FGD3: variants seen among roughly 807,000 people sequenced by gnomAD.
The protein encoded by FGD3 is FYVE, RhoGEF and PH domain-containing protein 3.
In FGD3, 45 loss-of-function variants were observed where a neutral mutation model predicts 71.8. That is an observed-to-expected ratio of 0.63 (90% CI 0.49 to 0.80). The LOEUF (loss-of-function observed/expected upper bound fraction) is 0.80. FGD3 is among the 30% of genes least tolerant of loss of function. The pLI, the probability that FGD3 is intolerant of heterozygous loss-of-function variation, is 0.00. For missense variants in FGD3, 844 were observed against 951.5 expected, an observed-to-expected ratio of 0.89 and a Z score of 1.49; for synonymous variants, 378 against 392.8, an observed-to-expected ratio of 0.96 and a Z score of 0.44.
chr9:93,017,865 G>A (rs1000416940), intron 10 of FGD3, among the ~76,000 whole-genome samples: 6 of 152,156 alleles, frequency 3.9e-5, no homozygotes, highest in African/African-American at 1.4e-4. Context: ...GGGTGTCGGG[G>A]GGGTGGGTTT....
intron 1 of FGD3, among the ~76,000 whole-genome samples, chr9:92,964,796 GC>G (rs531807605): frequency 4.0e-4 from 61 of 152,270 alleles, no homozygotes; most frequent in African/African-American, 1.4e-3. Context: ...ACCACGGCCA[GC>G]CCCTCTCATG....
At chr9:93,002,902 A>G (rs908054172) in intron 3 of FGD3, 23 bp from the exon 4 acceptor site, 1 of 1,610,594 alleles carries the variant, frequency 6.2e-7, no homozygotes, top group Admixed American at 1.7e-5. Context: ...TCCCCAGGTG[A>G]GCTGCATCTC....
chr9:92,968,202 C>T (rs1270893923), intron 1 of FGD3, among the ~76,000 whole-genome samples: 1 of 152,168 alleles, frequency 6.6e-6, no homozygotes, highest in Non-Finnish European at 1.5e-5. Flanking sequence ...TCCCAGTCCA[C>T]AGTCACAGCG....
intron 10 of FGD3, among the ~76,000 whole-genome samples, chr9:93,016,197 T>G (rs564933670): frequency 7.2e-5 from 11 of 152,230 alleles, no homozygotes; most frequent in Admixed American, 6.5e-4. Context: ...AGCCCAGGGT[T>G]GCAGGGAGCA....
At chr9:93,015,054 T>C (rs780354934) in intron 9 of FGD3, among the ~76,000 whole-genome samples, 2 of 150,916 alleles carry the variant, frequency 1.3e-5, no homozygotes, top group African/African-American at 4.9e-5. Flanking sequence ...GAATTTTGCC[T>C]TTCCCAAATG....
chr9:92,956,834 C>CTTTTTTTTTTTTTTTTTTTTTTTTT (rs34469364), intron 1 of FGD3, among the ~76,000 whole-genome samples: 2 of 127,748 alleles, frequency 1.6e-5, no homozygotes, highest in Non-Finnish European at 1.6e-5. Flanking sequence ...TAATTGCTTT[C>CTTTTTTTTTTTTTTTTTTTTTTTTT]TTTCTTTTTT....
rs550919980 is a variant in FGD3, at chr9:92,970,386, G to T, written c.-217-4852G>T. Among the ~76,000 whole-genome samples, 5 of 152,360 alleles carry T rather than the reference G, an allele frequency of 3.3e-5. No homozygotes were observed. The East Asian group carries it at 9.6e-4, about 29-fold the overall frequency. On this transcript the variant is annotated intron_variant, in intron 1 of 17. Coordinates refer to ENST00000375482, the MANE Select transcript of FGD3 (RefSeq NM_001083536.2). ...TTCAAGCACAAGGTTGAGGACTGCA[G>T]CCAGGGAGACACTTCCAAGTTGCCT...
intron 8 of FGD3, 55 bp downstream of exon 8, chr9:93,011,327 CA>C (rs1436621236): frequency 5.6e-6 from 9 of 1,606,026 alleles, no homozygotes; most frequent in Non-Finnish European, 6.8e-6. Flanking sequence ...GAGTGAGGGC[CA>C]GGGGCCCTTG....
intron 3 of FGD3, among the ~76,000 whole-genome samples, chr9:92,981,381 A>G (rs975856872): frequency 9.9e-5 from 15 of 151,172 alleles, no homozygotes; most frequent in Admixed American, 2.0e-4. Flanking sequence ...AAAAAAAAAA[A>G]AAAGAAAAAA....
chr9:92,989,747 T>G (rs1465657548), intron 3 of FGD3, among the ~76,000 whole-genome samples: 1 of 152,198 alleles, frequency 6.6e-6, no homozygotes, highest in Non-Finnish European at 1.5e-5. Flanking sequence ...TAAGATGAGG[T>G]AAACATAGGG....
intron 16 of FGD3, 109 bp downstream of exon 16, chr9:93,032,982 G>T (rs1291849943): frequency 6.5e-6 from 7 of 1,077,468 alleles, no homozygotes; most frequent in Non-Finnish European, 9.9e-6. Context: ...AGTGTCCCTG[G>T]GACCAGGATA....
chr9:93,035,747 C>A lies in FGD3; in HGVS notation c.*158C>A. The A allele has an allele frequency of 8.8e-7, 1 of 1,134,954 alleles. No homozygotes were observed. Among genetic ancestry groups the A allele is most frequent in the Non-Finnish European group, 1.2e-6 (1 of 838,382 alleles). 70.3% of individuals were successfully genotyped at this position (1,134,954 alleles called of 1,614,324 possible). On this transcript the variant is annotated 3_prime_UTR_variant, in exon 18 of 18. Coordinates refer to ENST00000375482, the MANE Select transcript of FGD3 (RefSeq NM_001083536.2). ...CTTTGGGGGGAAGGAAACTGAGGCC[C>A]AGAGAGGGGCAACCACTGGCCAAGG...
chr9:92,997,422 T>C (rs1452938360), intron 3 of FGD3, among the ~76,000 whole-genome samples: 1 of 152,230 alleles, frequency 6.6e-6, no homozygotes, highest in Non-Finnish European at 1.5e-5. Context: ...CTTGACTCTT[T>C]ATCCAATTTG....
At chr9:93,034,230 G>T in intron 16 of FGD3, 1 of 312,942 alleles carries the variant, frequency 3.2e-6, no homozygotes, top group Non-Finnish European at 5.9e-6. Context: ...CCTGTCCCGT[G>T]ACCCACCCTC....
intron 1 of FGD3, among the ~76,000 whole-genome samples, chr9:92,959,942 G>T (rs570969826): frequency 6.6e-6 from 1 of 151,532 alleles, no homozygotes; most frequent in East Asian, 2.0e-4. Flanking sequence ...TCATGTCTGC[G>T]TGTTCTCATT....
chr9:92,970,264 G>C (rs10821048), intron 1 of FGD3, among the ~76,000 whole-genome samples: 94,114 of 152,136 alleles, frequency 0.62, 29,384 homozygotes, highest in African/African-American at 0.68. Context: ...ACTGACCCTG[G>C]GCATGGGTGT....
chr9:92,973,405 G>C (rs947840207), intron 1 of FGD3, among the ~76,000 whole-genome samples: 1 of 152,142 alleles, frequency 6.6e-6, no homozygotes. Context: ...GTGAGCCACT[G>C]TGCCCGGCCT....
Position 93,003,074 on chromosome 9 carries a change from G to T in FGD3, c.543+60G>T. ...TCTTAGCATTGGCTGGGCATTATAG[G>T]TGCAGTGTGAATGACTTAAATACTA... On this transcript the variant is annotated intron_variant, in intron 4 of 17. Coordinates refer to ENST00000375482, the MANE Select transcript of FGD3 (RefSeq NM_001083536.2). The surrounding 1 kb of genome is among the most constrained non-coding windows in gnomAD (Gnocchi z 4.1). 6.7e-7 allele frequency: 1 copy of T among 1,491,764 alleles called. No homozygotes were observed. Among genetic ancestry groups the T allele is most frequent in the Non-Finnish European group, 9.3e-7 (1 of 1,071,512 alleles). The allele number at this position is 1,491,764 out of a possible 1,614,324, so 92.4% of individuals were successfully genotyped here.
At chr9:92,988,364 T>A (rs1391931083) in intron 3 of FGD3, among the ~76,000 whole-genome samples, 1 of 152,208 alleles carries the variant, frequency 6.6e-6, no homozygotes, top group Non-Finnish European at 1.5e-5. Context: ...CCTGCACAGG[T>A]TCCCTTACCT....
Sources: gnomAD v4.1 joint callset for allele counts (sites outside exome capture counted in the v4.1 genomes callset) on GRCh38, gnomAD v4.1.1 for gene constraint, Gnocchi (gnomAD v3.1) non-coding constraint, MANE v1.5 for transcripts, NCBI Gene and HGNC (gene_info 2026-07-23, HGNC 2026-07-21) for gene names.